Variants in CADM2 observed in about 807,000 individuals in gnomAD.
CADM2 encodes cell adhesion molecule 2.
A neutral mutation model predicts 49.8 loss-of-function variants in CADM2; 12 were observed. The ratio of observed to expected loss-of-function variants is 0.24; its 90% CI spans 0.15 to 0.39. The LOEUF is 0.39. Ranked by LOEUF, CADM2 falls within the 10% of genes least tolerant of loss-of-function variation. The pLI is 1.00. For missense variants in CADM2, 378 were observed against 492.3 expected (o/e 0.77, Z 2.20); for synonymous variants, 214 against 175.4 (o/e 1.22, Z -1.74).
rs1399398470 is a variant in CADM2 at position 86,070,468 on chromosome 3, AC to A, written c.*3686del. On this transcript the variant is annotated 3_prime_UTR_variant, in exon 10 of 10. Transcript: ENST00000383699. ...TTTGGACATCAAGGTAATTTAGTGGACAACAAATATTAAATTTTACATTATG... is the reference window on the plus strand; with the variant it reads ...TTTGGACATCAAGGTAATTTAGTGGAAACAAATATTAAATTTTACATTATG... The A allele has an allele frequency of 6.6e-6, 1 of 151,962 alleles. No individual in the cohort carries two copies. Among genetic ancestry groups the A allele is most frequent in the Non-Finnish European group, 1.5e-5 (1 of 67,868 alleles). The allele number at this position is 151,962 out of a possible 1,614,324, so 9.4% of individuals were successfully genotyped here.
chr3:85,593,789 A>G (rs2063172202), intron 1 of CADM2, among the ~76,000 whole-genome samples: 1 of 151,996 alleles, frequency 6.6e-6, no homozygotes, highest in Non-Finnish European at 1.5e-5. Context: ...GGATGAGAAA[A>G]TTTATGTTAT....
At chr3:85,263,141 C>T (rs9837559) in intron 1 of CADM2, among the ~76,000 whole-genome samples, 5,969 of 151,968 alleles carry the variant, frequency 0.039, 139 homozygotes, top group Middle Eastern at 0.082. Context: ...TACAGGCACA[C>T]GCTGACATGC....
At chr3:86,044,619 C>A (rs1483709952) in intron 8 of CADM2, among the ~76,000 whole-genome samples, 1 of 152,094 alleles carries the variant, frequency 6.6e-6, no homozygotes, top group Non-Finnish European at 1.5e-5. Context: ...GGTGGGACTG[C>A]AAACTAGTTC....
chr3:85,102,838 T>G (rs2038063033), intron 1 of CADM2, among the ~76,000 whole-genome samples: 1 of 152,048 alleles, frequency 6.6e-6, no homozygotes, highest in Non-Finnish European at 1.5e-5. Flanking sequence ...TAGTAGTATA[T>G]TTTACTTAAA....
intron 1 of CADM2, among the ~76,000 whole-genome samples, chr3:85,258,186 T>C (rs1369951849): frequency 1.3e-5 from 2 of 152,116 alleles, no homozygotes; most frequent in African/African-American, 4.8e-5. Context: ...CTCAGATATT[T>C]AGAGGCTGGA....
chr3:85,262,123 G>A (rs1184231768), intron 1 of CADM2, among the ~76,000 whole-genome samples: 1 of 152,002 alleles, frequency 6.6e-6, no homozygotes, highest in East Asian at 1.9e-4. Context: ...TAAAGCCTAA[G>A]GATGCATTTG....
chr3:86,009,195 G>T, intron 8 of CADM2, among the ~76,000 whole-genome samples: 1 of 114,838 alleles, frequency 8.7e-6, no homozygotes, highest in Non-Finnish European at 1.7e-5. Context: ...ATATATGTAT[G>T]AATATATATG....
intron 1 of CADM2, among the ~76,000 whole-genome samples, chr3:85,248,309 C>T (rs1030236339): frequency 9.2e-5 from 14 of 152,070 alleles, no homozygotes; most frequent in African/African-American, 2.4e-4. Flanking sequence ...GAGTCTCGCT[C>T]GGTCGCCCAA....
rs143282981 is a variant in CADM2 at position 86,070,617 on chromosome 3, G to A, written c.*3834G>A. 6.4e-4 allele frequency: 77 copies of A among 120,192 alleles called. No individual in the cohort carries two copies. The highest frequency in any genetic ancestry group is 3.9e-3 in the Middle Eastern group (1 of 254). The allele number at this position is 120,192 out of a possible 1,614,324, so 7.4% of individuals were successfully genotyped here. A position where few individuals can be genotyped will look rare whatever the true frequency, so the allele number is the denominator to read the frequency against. The stretch of plus-strand genomic sequence containing the variant: ...TTTCCCTTTGCAAATGGTAATTTCT[G>A]ATAAAACAATACAAAACAAAAAAAA... On this transcript the variant is annotated 3_prime_UTR_variant, in exon 10 of 10. Transcript: ENST00000383699.
intron 1 of CADM2, among the ~76,000 whole-genome samples, chr3:85,516,728 A>C (rs1160527394): frequency 6.6e-6 from 1 of 152,092 alleles, no homozygotes; most frequent in Non-Finnish European, 1.5e-5. Context: ...GATATAAGAA[A>C]GGTAGTTCAA....
intron 8 of CADM2, among the ~76,000 whole-genome samples, chr3:86,055,870 T>C (rs1737926498): frequency 6.6e-6 from 1 of 152,108 alleles, no homozygotes; most frequent in African/African-American, 2.4e-5. Flanking sequence ...ACAGAGAAAC[T>C]GAAACTCTAC....
chr3:85,283,059 G>T (rs970220266), intron 1 of CADM2, among the ~76,000 whole-genome samples: 16 of 151,730 alleles, frequency 1.1e-4, no homozygotes, highest in African/African-American at 3.1e-4. Flanking sequence ...AAAAAAAGTT[G>T]GTAGATTTTA....
At chr3:85,622,287 T>C (rs868692006) in intron 1 of CADM2, among the ~76,000 whole-genome samples, 7 of 152,176 alleles carry the variant, frequency 4.6e-5, no homozygotes, top group African/African-American at 7.2e-5. Flanking sequence ...TTCTATCTAG[T>C]GTTTCCTCAT....
At chr3:85,662,729 A>T (rs1412363199) in intron 1 of CADM2, among the ~76,000 whole-genome samples, 2 of 151,980 alleles carry the variant, frequency 1.3e-5, no homozygotes, top group Non-Finnish European at 2.9e-5. Flanking sequence ...TTTTCTTCCC[A>T]CCTATCCCAA....
chr3:85,792,013 G>A (rs138836765), intron 2 of CADM2, among the ~76,000 whole-genome samples: 32 of 152,242 alleles, frequency 2.1e-4, no homozygotes, highest in African/African-American at 6.7e-4. Context: ...ATAAGCCACC[G>A]CGCCTGGCCA....
At chr3:85,077,795 A>G (rs2037004824) in intron 1 of CADM2, among the ~76,000 whole-genome samples, 1 of 152,114 alleles carries the variant, frequency 6.6e-6, no homozygotes, top group South Asian at 2.1e-4. Context: ...GGTTTTGTTA[A>G]TAAAAACAGA....
intron 1 of CADM2, among the ~76,000 whole-genome samples, chr3:85,492,266 C>A (rs2039706104): frequency 6.6e-6 from 1 of 151,846 alleles, no homozygotes. Flanking sequence ...CTTTTTGATC[C>A]ATAAGTAAGG....
At chr3:85,860,653 G>T (rs1301990697) in intron 3 of CADM2, among the ~76,000 whole-genome samples, 1 of 152,046 alleles carries the variant, frequency 6.6e-6, no homozygotes, top group Admixed American at 6.6e-5. Context: ...GTTTTTTAGG[G>T]TCTATTAGGG....
At chr3:86,024,862 C>CATTATT (rs1446667999) in intron 8 of CADM2, among the ~76,000 whole-genome samples, 9 of 151,326 alleles carry the variant, frequency 5.9e-5, no homozygotes, top group South Asian at 2.1e-4. Context: ...TGTATCTTTA[C>CATTATT]ATTATTATTA....
Sources: gnomAD v4.1 joint callset for allele counts (sites outside exome capture counted in the v4.1 genomes callset) on GRCh38, gnomAD v4.1.1 for gene constraint, MANE v1.5 for transcripts, NCBI Gene and HGNC (gene_info 2026-07-23, HGNC 2026-07-21) for gene names.